ARHGAP6: variants seen among roughly 807,000 people sequenced by gnomAD.
ARHGAP6 encodes the protein Rho GTPase activating protein 6.
A neutral mutation model predicts 55.7 loss-of-function variants in ARHGAP6; 16 were observed. That is an observed-to-expected ratio of 0.29 (90% CI 0.19 to 0.44). ARHGAP6 has a LOEUF of 0.44. Among genes scored for constraint, ARHGAP6 ranks in the 20% least tolerant of loss-of-function variants. The probability of loss-of-function intolerance (pLI) is 1.00; values close to 1 mark genes in which losing one functional copy is unlikely to be tolerated. For synonymous variants in ARHGAP6, 382 were observed against 360.9 expected (o/e 1.06, Z -0.66); for missense variants, 698 against 808.9 (o/e 0.86, Z 1.66).
At chrX:11,439,622 A>T (rs772747041) in intron 1 of ARHGAP6, among the ~76,000 whole-genome samples, 8 of 112,577 alleles carry the variant, frequency 7.1e-5, no homozygotes, top group Non-Finnish European at 1.5e-4. Flanking sequence ...CCATATATTC[A>T]TCTCTATTAA....
intron 1 of ARHGAP6, among the ~76,000 whole-genome samples, chrX:11,396,138 G>C (rs1392663341): frequency 9.0e-6 from 1 of 111,134 alleles, no homozygotes; most frequent in Non-Finnish European, 1.9e-5. Context: ...AGAAAGGAGA[G>C]TATATGTGAT....
At chrX:11,215,822 C>T (rs2046873933) in intron 2 of ARHGAP6, among the ~76,000 whole-genome samples, 1 of 112,606 alleles carries the variant, frequency 8.9e-6, no homozygotes, top group Non-Finnish European at 1.9e-5. Context: ...AGGCAGCAGA[C>T]AGTCAGCCCG....
At chrX:11,526,562 G>T (rs1383072605) in intron 1 of ARHGAP6, among the ~76,000 whole-genome samples, 1 of 111,353 alleles carries the variant, frequency 9.0e-6, no homozygotes, top group Non-Finnish European at 1.9e-5. Flanking sequence ...TACATTCAGG[G>T]AAAGAAATTT....
chrX:11,346,008 C>T (rs1015589740), intron 1 of ARHGAP6, among the ~76,000 whole-genome samples: 1 of 109,477 alleles, frequency 9.1e-6, no homozygotes, highest in Non-Finnish European at 1.9e-5. Context: ...CTATGCTGCC[C>T]AGGCTGGACA....
At chrX:11,648,339 C>A (rs1040048702) in intron 1 of ARHGAP6, among the ~76,000 whole-genome samples, 5 of 111,696 alleles carry the variant, frequency 4.5e-5, no homozygotes, top group African/African-American at 1.6e-4. Context: ...ACCAAGATTG[C>A]CCCAGTAATA....
intron 1 of ARHGAP6, among the ~76,000 whole-genome samples, chrX:11,589,187 G>C (rs756883438): frequency 9.3e-6 from 1 of 107,682 alleles, no homozygotes; most frequent in African/African-American, 3.4e-5. Context: ...TACTACAGGC[G>C]CATGCCACCA....
At chrX:11,294,652 A>G in intron 1 of ARHGAP6, 2 of 758,511 alleles carry the variant, frequency 2.6e-6, no homozygotes, top group East Asian at 6.3e-5. Context: ...AAGTAAATTC[A>G]CAAACAATGG....
intron 1 of ARHGAP6, among the ~76,000 whole-genome samples, chrX:11,346,377 A>C (rs1393032245): frequency 1.8e-5 from 2 of 111,861 alleles, no homozygotes; most frequent in African/African-American, 6.5e-5. Context: ...AGCCTGAAAT[A>C]CTTACCATCT....
At chrX:11,379,528 G>A (rs2049239430) in intron 1 of ARHGAP6, among the ~76,000 whole-genome samples, 1 of 112,234 alleles carries the variant, frequency 8.9e-6, no homozygotes, top group South Asian at 3.7e-4. Flanking sequence ...GTTTTGAAGA[G>A]CTGGAATACT....
At chrX:11,517,954 G>A (rs1433682444) in intron 1 of ARHGAP6, among the ~76,000 whole-genome samples, 3 of 109,676 alleles carry the variant, frequency 2.7e-5, no homozygotes, top group East Asian at 2.9e-4. Context: ...CTGCACATCC[G>A]CACATGTACC....
At chrX:11,660,567 A>C (rs1288605303) in intron 1 of ARHGAP6, among the ~76,000 whole-genome samples, 4 of 92,738 alleles carry the variant, frequency 4.3e-5, no homozygotes, top group African/African-American at 1.6e-4. Flanking sequence ...AAAAAAAAAA[A>C]AAAAAAAAAA....
At chrX:11,212,226 T>G (rs1198590184) in intron 2 of ARHGAP6, among the ~76,000 whole-genome samples, 4 of 112,337 alleles carry the variant, frequency 3.6e-5, no homozygotes, top group Non-Finnish European at 7.5e-5. Context: ...TTCTTTGGTT[T>G]CTTTCTAGAC....
At chrX:11,331,527 G>T (rs1022156045) in intron 1 of ARHGAP6, among the ~76,000 whole-genome samples, 4 of 111,619 alleles carry the variant, frequency 3.6e-5, no homozygotes, top group African/African-American at 1.3e-4. Flanking sequence ...CCTTTAGAGC[G>T]CAAAGGGGAA....
chrX:11,166,923 C>T (rs1446807730), intron 9 of ARHGAP6, among the ~76,000 whole-genome samples: 1 of 112,031 alleles, frequency 8.9e-6, no homozygotes, highest in Non-Finnish European at 1.9e-5. Flanking sequence ...CTTCCTCCCA[C>T]TCCACTGTTA....
chrX:11,533,151 C>T (rs777117608), intron 1 of ARHGAP6, among the ~76,000 whole-genome samples: 16 of 109,641 alleles, frequency 1.5e-4, no homozygotes, highest in Non-Finnish European at 2.3e-4. Flanking sequence ...GTATTCACAG[C>T]GTTTAAGTCA....
At chrX:11,145,555 A>G (rs764887204) in intron 10 of ARHGAP6, among the ~76,000 whole-genome samples, 40 of 112,097 alleles carry the variant, frequency 3.6e-4, no homozygotes, top group Non-Finnish European at 6.0e-4. Context: ...GACTGCTATG[A>G]GGATGATTTT....
chrX:11,285,274 T>TG (rs2047908104), intron 1 of ARHGAP6, among the ~76,000 whole-genome samples: 1 of 109,186 alleles, frequency 9.2e-6, no homozygotes, highest in African/African-American at 3.3e-5. Flanking sequence ...AATGTCAGGA[T>TG]GGGAGAACAG....
At chrX:11,495,442 A>G (rs1307321117) in intron 1 of ARHGAP6, among the ~76,000 whole-genome samples, 2 of 112,352 alleles carry the variant, frequency 1.8e-5, no homozygotes, top group East Asian at 5.6e-4. Flanking sequence ...TTCCAAAATA[A>G]CAAAAATTGA....
chrX:11,508,751 C>T (rs1199744840), intron 1 of ARHGAP6, among the ~76,000 whole-genome samples: 1 of 108,668 alleles, frequency 9.2e-6, no homozygotes, highest in East Asian at 2.9e-4. Flanking sequence ...ACCATCACTT[C>T]CTCAGCCCCA....
Sources: gnomAD v4.1 joint callset for allele counts (sites outside exome capture counted in the v4.1 genomes callset) on GRCh38, gnomAD v4.1.1 for gene constraint, MANE v1.5 for transcripts, NCBI Gene and HGNC (gene_info 2026-07-23, HGNC 2026-07-21) for gene names.